The following NFKBIZ variants were observed in gnomAD, a reference collection of about 807,000 sequenced individuals.
NFKBIZ encodes NFKB inhibitor zeta.
Under a neutral mutation model 76.8 loss-of-function variants are expected in NFKBIZ, and 19 were observed. That is an observed-to-expected ratio of 0.25 (90% CI 0.17 to 0.36). NFKBIZ has a LOEUF of 0.36. NFKBIZ is among the 10% of genes least tolerant of loss of function. The probability of loss-of-function intolerance (pLI) is 1.00; values close to 1 mark genes in which losing one functional copy is unlikely to be tolerated. For missense variants in NFKBIZ, 829 were observed against 910.9 expected (o/e 0.91, Z 1.16); for synonymous variants, 368 against 354.8 (o/e 1.04, Z -0.42).
At chr3:101,856,439 A>G (rs1042415601) in intron 9 of NFKBIZ, among the ~76,000 whole-genome samples, 1 of 152,240 alleles carries the variant, frequency 6.6e-6, no homozygotes, top group Non-Finnish European at 1.5e-5. Flanking sequence ...ATTTAGGTAT[A>G]AAATAAATAG....
chr3:101,834,436 C>T (rs1377810362), intron 2 of NFKBIZ, among the ~76,000 whole-genome samples: 1 of 152,090 alleles, frequency 6.6e-6, no homozygotes, highest in Non-Finnish European at 1.5e-5. Flanking sequence ...TCTTGGCTCA[C>T]TACAATCTCT....
At chr3:101,838,361 A>G (rs1192213945) in intron 2 of NFKBIZ, among the ~76,000 whole-genome samples, 1 of 152,226 alleles carries the variant, frequency 6.6e-6, no homozygotes, top group African/African-American at 2.4e-5. Context: ...AAGGTCACGT[A>G]GCTGGTAAAT....
upstream of NFKBIZ, chr3:101,849,468 G>T (rs569217192): frequency 2.9e-5 from 16 of 544,330 alleles, no homozygotes; most frequent in African/African-American, 1.6e-4. Context: ...GGAGGTCGGC[G>T]AGCGCTGCGG....
At chr3:101,850,577 T>G (rs1942939599) in intron 1 of NFKBIZ, among the ~76,000 whole-genome samples, 1 of 152,236 alleles carries the variant, frequency 6.6e-6, no homozygotes, top group African/African-American at 2.4e-5. Context: ...TAATGTTATC[T>G]TTCATGGGCT....
At chr3:101,858,156 C>T in intron 11 of NFKBIZ, 3 of 985,008 alleles carry the variant, frequency 3.0e-6, no homozygotes, top group Non-Finnish European at 3.6e-6. Flanking sequence ...GGGATTGTGG[C>T]TGTGGGTAGG....
chr3:101,850,006 G>A (rs1038282991), intron 1 of NFKBIZ, 89 bp downstream of exon 1: 3 of 1,205,218 alleles, frequency 2.5e-6, no homozygotes, highest in Admixed American at 4.2e-5. Flanking sequence ...GGTGGCCCCT[G>A]CGCCCTCCTT....
Position 101,853,631 on chromosome 3 carries a change from G to A in NFKBIZ, c.1105G>A (p.Ala369Thr), listed in dbSNP as rs541949171. 6.2e-7 allele frequency: 1 copy of A among 1,614,228 alleles called. No homozygotes were observed. Among genetic ancestry groups the A allele is most frequent in the African/African-American group, 1.3e-5 (1 of 75,052 alleles). ...CTCCAGTGTTCAGCAGCAAAATGAT[G>A]CTCACTTGCACAGCTTCAGCATGAT... ...TSSSVQQQND[A>T]HLHSFSMMPS... The change falls in exon 5 of 12, where the codon GCT (alanine) becomes ACT (threonine). Residue 369 changes from alanine (A) to threonine (T), a missense_variant. By Grantham distance (58) the Ala-to-Thr change is moderately conservative. Transcript: ENST00000326172.
intron 2 of NFKBIZ, among the ~76,000 whole-genome samples, chr3:101,836,460 G>A (rs983313199): frequency 2.6e-5 from 4 of 152,098 alleles, no homozygotes; most frequent in Non-Finnish European, 4.4e-5. Context: ...ATAGCTTTTT[G>A]ATTATTGTCT....
chr3:101,855,612 T>C, intron 8 of NFKBIZ, 121 bp from the exon 9 acceptor site: 1 of 1,254,166 alleles, frequency 8.0e-7, no homozygotes, highest in Non-Finnish European at 1.1e-6. Context: ...ATTGCCTTAC[T>C]AGTTCTTGTG....
intron 5 of NFKBIZ, 127 bp downstream of exon 5, chr3:101,853,990 T>C (rs1669716519): frequency 1.1e-6 from 1 of 891,350 alleles, no homozygotes; most frequent in African/African-American, 1.7e-5. Flanking sequence ...AGATGACTGG[T>C]GTAGATAGAA....
Position 101,852,775 on chromosome 3 carries a change from G to A in NFKBIZ, c.460+7G>A. ...AACATAGAACAGTTCAGAGGTAAGAGTTACTTGTATTTGTAATTTTTTCAG... is the reference window on the plus strand; with the variant it reads ...AACATAGAACAGTTCAGAGGTAAGAATTACTTGTATTTGTAATTTTTTCAG... On this transcript the variant is annotated splice_region_variant and intron_variant, in intron 3 of 11. Transcript: ENST00000326172. 5 of 1,611,050 alleles carry A rather than the reference G, an allele frequency of 3.1e-6. No individual in the cohort carries two copies. Among genetic ancestry groups the A allele is most frequent in the Non-Finnish European group, 4.2e-6 (5 of 1,178,892 alleles).
chr3:101,846,197 CAT>C (rs1472849055), upstream of NFKBIZ, among the ~76,000 whole-genome samples: 1 of 152,174 alleles, frequency 6.6e-6, no homozygotes, highest in Non-Finnish European at 1.5e-5. Flanking sequence ...ACATGGCGGG[CAT>C]ATTGGTGCTG....
intron 2 of NFKBIZ, among the ~76,000 whole-genome samples, chr3:101,832,333 T>A (rs370010520): frequency 6.6e-5 from 10 of 152,190 alleles, no homozygotes; most frequent in East Asian, 3.8e-4. Context: ...AGTTGCCATC[T>A]TATCCATTTT....
At chr3:101,831,611 CCTT>C in intron 2 of NFKBIZ, among the ~76,000 whole-genome samples, 1 of 151,552 alleles carries the variant, frequency 6.6e-6, no homozygotes, top group East Asian at 1.9e-4. Flanking sequence ...TTCTTCTCCT[CCTT>C]CTCCTCTTTT....
Position 101,853,706 on chromosome 3 carries a change from T to C in NFKBIZ, c.1180T>C (p.Ser394Pro). 1 of 1,614,258 alleles carries C rather than the reference T, an allele frequency of 6.2e-7. No homozygotes were observed. Among genetic ancestry groups the C allele is most frequent in the South Asian group, 1.1e-5 (1 of 91,090 alleles). ...AMVGHEMASDSSNTSLPFSNM... is the reference protein window; with the variant it reads ...AMVGHEMASDPSNTSLPFSNM... Reference sequence around the variant, plus strand: ...GGTGGGGCACGAGATGGCCTCTGACTCTTCAAACACTTCACTGCCATTCTC... The same window carrying C: ...GGTGGGGCACGAGATGGCCTCTGACCCTTCAAACACTTCACTGCCATTCTC... Residue 394 changes from serine to proline, a missense_variant, in exon 5 of 12, where the codon TCT becomes CCT. Ser to Pro is a moderately conservative substitution (Grantham distance 74). This residue lies in a region of NFKBIZ where 371 missense variants were observed against 332.3 expected (regional missense o/e 1.12). Transcript: ENST00000326172.
chr3:101,849,677 C>T lies in NFKBIZ; in HGVS notation c.49C>T (p.Arg17Trp), dbSNP rs1353779173. ...CGACAGCCGCGGCGGAGAGGGGCTGCGGGACGCGGCGGGCGGCTGCGGCCT... is the reference window on the plus strand; with the variant it reads ...CGACAGCCGCGGCGGAGAGGGGCTGTGGGACGCGGCGGGCGGCTGCGGCCT... ...LDDSRGGEGL[R>W]DAAGGCGLMT... The change falls in exon 1 of 12, where the codon CGG (arginine) becomes TGG (tryptophan). Residue 17 changes from arginine (R) to tryptophan (W), a missense_variant. By Grantham distance (101) the Arg-to-Trp change is moderately radical. Transcript: ENST00000326172. 1 of 1,392,900 alleles carries T rather than the reference C, an allele frequency of 7.2e-7. No homozygotes were observed. The allele number at this position is 1,392,900 out of a possible 1,614,324, so 86.3% of individuals were successfully genotyped here. A position where few individuals can be genotyped will look rare whatever the true frequency, so the allele number is the denominator to read the frequency against.
chr3:101,848,975 A>G (rs1280755399), upstream of NFKBIZ: 1 of 152,326 alleles, frequency 6.6e-6, no homozygotes, highest in Non-Finnish European at 1.5e-5. Flanking sequence ...ACAGGCCCTT[A>G]AGAACCTTCC....
chr3:101,852,889 T>C lies in NFKBIZ; in HGVS notation c.464T>C (p.Leu155Ser). ...QGVNIEQFRELKNTVSYSGKR... is the reference protein window; with the variant it reads ...QGVNIEQFRESKNTVSYSGKR... ...GGCTGTATTCCTTTGGGTACAGAAT[T>C]GAAGAACACAGTATCATACAGTGGG... The change falls in exon 4 of 12, where the codon TTG becomes TCG. Residue 155 changes from leucine (L) to serine (S), a missense_variant. Transcript: ENST00000326172. 1 of 1,613,668 alleles carries C rather than the reference T, an allele frequency of 6.2e-7. No homozygotes were observed. Among genetic ancestry groups the C allele is most frequent in the Non-Finnish European group, 8.5e-7 (1 of 1,179,732 alleles).
At chr3:101,830,723 T>C (rs1223920424) in intron 2 of NFKBIZ, among the ~76,000 whole-genome samples, 1 of 152,214 alleles carries the variant, frequency 6.6e-6, no homozygotes, top group Non-Finnish European at 1.5e-5. Context: ...TCTAGTCCAC[T>C]GTTGATGGGC....
Sources: gnomAD v4.1 joint callset for allele counts (sites outside exome capture counted in the v4.1 genomes callset) on GRCh38, gnomAD v4.1.1 for gene constraint, gnomAD v4.1.1 regional missense constraint, MANE v1.5 for transcripts, NCBI Gene and HGNC (gene_info 2026-07-23, HGNC 2026-07-21) for gene names.